The following ROBO1 variants were observed in gnomAD, a reference collection of about 807,000 sequenced individuals.
The protein encoded by ROBO1 is roundabout guidance receptor 1, also known as roundabout homolog 1.
In ROBO1, 149 loss-of-function variants were observed where a neutral mutation model predicts 195.9. That is an observed-to-expected ratio of 0.76 (90% CI 0.67 to 0.87). The LOEUF (loss-of-function observed/expected upper bound fraction) is 0.87, where lower values mean the gene tolerates loss of function less well. Ranked by LOEUF, ROBO1 falls within the 40% of genes least tolerant of loss-of-function variation. The probability of loss-of-function intolerance (pLI) is 0.00; values close to 1 mark genes in which losing one functional copy is unlikely to be tolerated. For synonymous variants in ROBO1, 816 were observed against 733.2 expected (o/e 1.11, Z -1.82); for missense variants, 1,933 against 2,068.3 (o/e 0.93, Z 1.27).
At chr3:79,641,067 A>C (rs549687635) in intron 1 of ROBO1, among the ~76,000 whole-genome samples, 1 of 152,272 alleles carries the variant, frequency 6.6e-6, no homozygotes, top group South Asian at 2.1e-4. Context: ...TACTTCCTCC[A>C]TCATATATTT....
At chr3:79,350,265 A>C (rs2035286669) in intron 2 of ROBO1, among the ~76,000 whole-genome samples, 1 of 152,214 alleles carries the variant, frequency 6.6e-6, no homozygotes, top group African/African-American at 2.4e-5. Context: ...CACATGCACT[A>C]GGATGGCTGT....
At chr3:78,835,024 G>T (rs894000148) in intron 4 of ROBO1, among the ~76,000 whole-genome samples, 6 of 151,980 alleles carry the variant, frequency 3.9e-5, no homozygotes, top group African/African-American at 1.4e-4. Context: ...TTTACTAGTG[G>T]GATTTTTCCA....
At chr3:78,976,200 G>A (rs1247155349) in intron 3 of ROBO1, among the ~76,000 whole-genome samples, 1 of 152,142 alleles carries the variant, frequency 6.6e-6, no homozygotes, top group Non-Finnish European at 1.5e-5. Context: ...GCACAGTACT[G>A]AGAAATAACA....
chr3:79,735,103 C>A (rs545240385), intron 1 of ROBO1, among the ~76,000 whole-genome samples: 1 of 152,250 alleles, frequency 6.6e-6, no homozygotes, highest in African/African-American at 2.4e-5. Flanking sequence ...AAAGCATAGG[C>A]GGATGGATCC....
At chr3:79,096,704 A>T (rs1216898902) in intron 3 of ROBO1, among the ~76,000 whole-genome samples, 1 of 150,606 alleles carries the variant, frequency 6.6e-6, no homozygotes, top group Admixed American at 6.7e-5. Context: ...ACATATTTAT[A>T]TATGTATATA....
intron 2 of ROBO1, among the ~76,000 whole-genome samples, chr3:79,251,802 T>A (rs1576878701): frequency 6.6e-6 from 1 of 151,798 alleles, no homozygotes; most frequent in East Asian, 2.0e-4. Flanking sequence ...AAACAAGAAT[T>A]AGCCAGGCAT....
At chr3:78,808,852 T>C (rs2084635049) in intron 4 of ROBO1, among the ~76,000 whole-genome samples, 1 of 152,126 alleles carries the variant, frequency 6.6e-6, no homozygotes. Context: ...GAACTCAAGA[T>C]GGATTAAAGA....
At chr3:79,666,660 C>T (rs1217814643) in intron 1 of ROBO1, among the ~76,000 whole-genome samples, 1 of 151,770 alleles carries the variant, frequency 6.6e-6, no homozygotes, top group Non-Finnish European at 1.5e-5. Flanking sequence ...TAAGACATGC[C>T]TTTCCTTTTC....
At position 78,670,168 on chromosome 3, in the gene ROBO1, T is replaced by C. The variant is rs1707982858; in HGVS notation, c.1476A>G (p.Gly492=). The change falls in exon 11 of 31, where the codon GGA becomes GGG. Residue 492 remains glycine (G), a synonymous_variant. Transcript: ENST00000464233. ...PVPTILWRKD[G]VLVSTQDSRI... ...GAGAGTCTTGGGTTGAAACGAGGAC[T>C]CCATCCTTTCTCCACAGAATGGTGG... 1 of 1,613,100 alleles carries C rather than the reference T, an allele frequency of 6.2e-7. No individual in the cohort carries two copies. The highest frequency in any genetic ancestry group is 1.1e-5 in the South Asian group (1 of 90,896).
At chr3:78,647,684 G>A in intron 19 of ROBO1, 29 bp from the exon 20 acceptor site, 1 of 1,589,810 alleles carries the variant, frequency 6.3e-7, no homozygotes, top group Non-Finnish European at 8.6e-7. Context: ...ATATAAACCA[G>A]TTATTAAGCT....
At position 79,410,124 on chromosome 3, in the gene ROBO1, G is replaced by A. The variant is rs185586671; in HGVS notation, c.88+179700C>T. On this transcript the variant is annotated intron_variant, in intron 2 of 30. Coordinates refer to ENST00000464233, the MANE Select transcript of ROBO1 (RefSeq NM_002941.4). ...AGAACTGTGTCTGTAAATTATTAAC[G>A]GAGTGAATGTTTCTGACAAAGTCAT... is the stretch of plus-strand genomic sequence containing the variant. Among the ~76,000 whole-genome samples, 373 of 152,148 alleles carry A rather than the reference G, an allele frequency of 2.5e-3. 2 individuals are homozygous for A. The highest frequency in any genetic ancestry group is 7.6e-3 in the African/African-American group (314 of 41,532).
At chr3:79,009,107 ATTTTTTTTTTT>A (rs749520016) in intron 3 of ROBO1, among the ~76,000 whole-genome samples, 2 of 115,380 alleles carry the variant, frequency 1.7e-5, no homozygotes, top group African/African-American at 3.5e-5. Flanking sequence ...CGCCCAGCTA[ATTTTTTTTTTT>A]TTTTTTTTTT....
At chr3:79,311,795 C>T (rs114486038) in intron 2 of ROBO1, among the ~76,000 whole-genome samples, 2,859 of 152,040 alleles carry the variant, frequency 0.019, 88 homozygotes, top group African/African-American at 0.064. Context: ...TGGTCCTACC[C>T]GATATTTAAA....
chr3:79,385,322 C>G (rs147954801), intron 2 of ROBO1, among the ~76,000 whole-genome samples: 1 of 152,176 alleles, frequency 6.6e-6, no homozygotes, highest in East Asian at 1.9e-4. Flanking sequence ...AATGTTATCA[C>G]AAATGTTTGA....
chr3:79,038,193 A>T (rs540858251), intron 3 of ROBO1, among the ~76,000 whole-genome samples: 33 of 152,314 alleles, frequency 2.2e-4, no homozygotes, highest in African/African-American at 7.7e-4. Flanking sequence ...CATCTCTGTT[A>T]TAGTGATTTG....
chr3:79,746,808 C>G (rs1703897617), intron 1 of ROBO1, among the ~76,000 whole-genome samples: 1 of 152,000 alleles, frequency 6.6e-6, no homozygotes, highest in South Asian at 2.1e-4. Context: ...TTAACAAAAA[C>G]ACACATTTGT....
chr3:78,839,899 A>G (rs1192729157), intron 4 of ROBO1, among the ~76,000 whole-genome samples: 1 of 152,230 alleles, frequency 6.6e-6, no homozygotes, highest in Non-Finnish European at 1.5e-5. Flanking sequence ...CTATGAATTC[A>G]TGAATCATCT....
At chr3:79,496,685 C>A (rs1939766122) in intron 2 of ROBO1, among the ~76,000 whole-genome samples, 1 of 150,650 alleles carries the variant, frequency 6.6e-6, no homozygotes, top group South Asian at 2.1e-4. Context: ...CCGCGCCCGG[C>A]CGCACCCATC....
intron 10 of ROBO1, among the ~76,000 whole-genome samples, chr3:78,679,230 GC>G (rs2080825159): frequency 6.6e-6 from 1 of 151,554 alleles, no homozygotes; most frequent in Admixed American, 6.6e-5. Context: ...TACTGAATGG[GC>G]AAAAACTGGA....
Sources: gnomAD v4.1 joint callset for allele counts (sites outside exome capture counted in the v4.1 genomes callset) on GRCh38, gnomAD v4.1.1 for gene constraint, MANE v1.5 for transcripts, NCBI Gene and HGNC (gene_info 2026-07-23, HGNC 2026-07-21) for gene names.